GPRC5B: variants seen among roughly 807,000 people sequenced by gnomAD.
The protein encoded by GPRC5B is G protein-coupled receptor family C group 5 member B.
In GPRC5B, 16 loss-of-function variants were observed where a neutral mutation model predicts 30.1. The observed-to-expected ratio is 0.53, with a 90% CI of 0.36 to 0.81. The LOEUF is 0.81. GPRC5B is among the 30% of genes least tolerant of loss of function. GPRC5B has a pLI of 0.01. For missense variants in GPRC5B, 428 were observed against 544.7 expected, an observed-to-expected ratio of 0.79 and a Z score of 2.13; for synonymous variants, 241 against 239.5, an observed-to-expected ratio of 1.01 and a Z score of -0.06.
chr16:19,877,310 G>C (rs1463385828), intron 1 of GPRC5B, among the ~76,000 whole-genome samples: 1 of 152,184 alleles, frequency 6.6e-6, no homozygotes, highest in East Asian at 1.9e-4. Flanking sequence ...CAACAAAGAA[G>C]TTCTAATGTT....
chr16:19,885,170 T>G (rs1056744356), upstream of GPRC5B: 15 of 1,273,308 alleles, frequency 1.2e-5, no homozygotes, highest in Non-Finnish European at 1.5e-5. This position sits in a 1 kb window ranked among gnomAD's most constrained non-coding sequence, Gnocchi z 5.3. Context: ...GTAGATCCAT[T>G]TGCGGGAACA....
chr16:19,871,927 A>C lies in GPRC5B; in HGVS notation c.919T>G (p.Tyr307Asp), dbSNP rs367885480. Residue 307 changes from tyrosine to aspartate, a missense_variant, in exon 2 of 4, where the codon TAC becomes GAC. Coordinates refer to ENST00000300571, the MANE Select transcript of GPRC5B (RefSeq NM_016235.3). ...ATCCTGGGCTGCGACGTGTCGAAGT[A>C]GTTGGGCGTGTTCTCCTGCAGGGCT... Reference protein sequence around the residue: ...LPALQENTPNYFDTSQPRMRE... With the variant: ...LPALQENTPNDFDTSQPRMRE... 6.2e-7 allele frequency: 1 copy of C among 1,613,994 alleles called. No homozygotes were observed.
chr16:19,875,185 G>A (rs1213577279), intron 1 of GPRC5B, among the ~76,000 whole-genome samples: 10 of 152,166 alleles, frequency 6.6e-5, no homozygotes, highest in Non-Finnish European at 7.3e-5. Context: ...TGGGGCTGTC[G>A]GGCTCATGTC....
At chr16:19,870,901 G>A (rs1409109179) in intron 2 of GPRC5B, among the ~76,000 whole-genome samples, 5 of 152,030 alleles carry the variant, frequency 3.3e-5, no homozygotes, top group African/African-American at 4.8e-5. Context: ...TGTTGGTCCA[G>A]TGTTGCCAGA....
intron 1 of GPRC5B, among the ~76,000 whole-genome samples, chr16:19,873,782 TTTTTTG>T (rs2056741104): frequency 6.6e-6 from 1 of 152,096 alleles, no homozygotes; most frequent in Admixed American, 6.5e-5. Flanking sequence ...ATTTCTTTCC[TTTTTTG>T]TTTTTATTTG....
chr16:19,862,008 C>T (rs2056629005), intron 2 of GPRC5B, 35 bp from the exon 3 acceptor site: 8 of 1,600,722 alleles, frequency 5.0e-6, no homozygotes, highest in Non-Finnish European at 6.8e-6. Context: ...ACAACATTGC[C>T]AAAAAAAAGA....
intron 1 of GPRC5B, among the ~76,000 whole-genome samples, chr16:19,879,167 A>G (rs1159466395): frequency 6.6e-6 from 1 of 150,880 alleles, no homozygotes; most frequent in Non-Finnish European, 1.5e-5. Flanking sequence ...GCTCTCCAGG[A>G]GCCCCAGAAG....
At chr16:19,883,165 G>T (rs9936083) in intron 1 of GPRC5B, among the ~76,000 whole-genome samples, 1 of 152,106 alleles carries the variant, frequency 6.6e-6, no homozygotes. Context: ...TTTATACAAG[G>T]CACCCAGTTC....
At chr16:19,860,654 T>C (rs2056613733) in intron 3 of GPRC5B, 110 bp from the exon 4 acceptor site, 2 of 684,092 alleles carry the variant, frequency 2.9e-6, no homozygotes, top group Admixed American at 4.7e-5. Context: ...TGCTTTTACC[T>C]AGATGGGTCG....
At chr16:19,884,209 G>T (rs867765520) in intron 1 of GPRC5B, among the ~76,000 whole-genome samples, 19 of 145,862 alleles carry the variant, frequency 1.3e-4, no homozygotes, top group African/African-American at 4.8e-4. Context: ...TGAGTAATGC[G>T]CACTCAAGCC....
intron 1 of GPRC5B, among the ~76,000 whole-genome samples, chr16:19,873,523 G>T (rs1197246009): frequency 6.7e-6 from 1 of 149,020 alleles, no homozygotes; most frequent in Admixed American, 6.7e-5. Context: ...AAACTTTAAA[G>T]ACACAGCCAC....
upstream of GPRC5B, chr16:19,884,974 G>T (rs1156649527): frequency 1.5e-6 from 1 of 686,260 alleles, no homozygotes; most frequent in African/African-American, 2.5e-5. Flanking sequence ...CCCCACCCCC[G>T]GTCCCGCCGG....
chr16:19,884,484 C>G (rs2056835448), intron 1 of GPRC5B, among the ~76,000 whole-genome samples: 1 of 151,246 alleles, frequency 6.6e-6, no homozygotes, highest in Non-Finnish European at 1.5e-5. Flanking sequence ...TCTCCCTCCC[C>G]CCGTAAAGGT....
At chr16:19,875,693 C>T (rs1227366069) in intron 1 of GPRC5B, among the ~76,000 whole-genome samples, 11 of 152,084 alleles carry the variant, frequency 7.2e-5, no homozygotes, top group Admixed American at 7.2e-4. Flanking sequence ...GCAGAAGAAT[C>T]GCTTGAACCT....
intron 2 of GPRC5B, among the ~76,000 whole-genome samples, chr16:19,866,902 C>G (rs947842846): frequency 6.6e-6 from 1 of 152,218 alleles, no homozygotes. Context: ...TCATCATCCC[C>G]GCGCCAGCCC....
At chr16:19,879,515 T>G (rs1206286610) in intron 1 of GPRC5B, among the ~76,000 whole-genome samples, 1 of 150,260 alleles carries the variant, frequency 6.7e-6, no homozygotes, top group Non-Finnish European at 1.5e-5. Flanking sequence ...AACAGCACAC[T>G]CTATCTCTCC....
chr16:19,885,252 C>A (rs118036357), upstream of GPRC5B: 1 of 1,288,008 alleles, frequency 7.8e-7, no homozygotes, highest in Middle Eastern at 2.1e-4. The surrounding 1 kb of genome is among the most constrained non-coding windows in gnomAD (Gnocchi z 5.3). Flanking sequence ...CCTTCCTGCC[C>A]CCAGGCCACG....
chr16:19,866,925 C>T (rs1398768832), intron 2 of GPRC5B, among the ~76,000 whole-genome samples: 1 of 152,222 alleles, frequency 6.6e-6, no homozygotes, highest in Non-Finnish European at 1.5e-5. Context: ...GCTCTGCTGA[C>T]ACCAACCTGG....
At chr16:19,875,205 C>A (rs2056751666) in intron 1 of GPRC5B, among the ~76,000 whole-genome samples, 1 of 152,214 alleles carries the variant, frequency 6.6e-6, no homozygotes, top group African/African-American at 2.4e-5. Context: ...CCTTTGCCTA[C>A]TGATGAGAGG....
Sources: allele counts gnomAD v4.1 joint callset (sites outside exome capture counted in the v4.1 genomes callset), GRCh38; gene constraint gnomAD v4.1.1; non-coding constraint Gnocchi (gnomAD v3.1); transcripts MANE v1.5; gene names NCBI Gene and HGNC (gene_info 2026-07-23, HGNC 2026-07-21).